Variants in DGKB observed in about 807,000 individuals in gnomAD.
DGKB encodes diacylglycerol kinase beta.
Under a neutral mutation model 114.3 loss-of-function variants are expected in DGKB, and 67 were observed. The observed-to-expected ratio is 0.59, with a 90% confidence interval of 0.48 to 0.72. The LOEUF is 0.72. DGKB is among the 30% of genes least tolerant of loss of function. The pLI, the probability that DGKB is intolerant of heterozygous loss-of-function variation, is 0.00. For synonymous variants in DGKB, 398 were observed against 323.1 expected (o/e 1.23, Z -2.49); for missense variants, 907 against 975.2 (o/e 0.93, Z 0.93).
At chr7:14,568,944 C>A (rs1473744339) in intron 20 of DGKB, among the ~76,000 whole-genome samples, 1 of 152,202 alleles carries the variant, frequency 6.6e-6, no homozygotes, top group Non-Finnish European at 1.5e-5. Flanking sequence ...AAACTACGTG[C>A]TCATCTGAAG....
intron 1 of DGKB, among the ~76,000 whole-genome samples, chr7:14,879,926 C>T (rs1450617437): frequency 6.6e-6 from 1 of 152,072 alleles, no homozygotes; most frequent in African/African-American, 2.4e-5. Flanking sequence ...TCATCATGCC[C>T]AGCATACTCA....
chr7:14,682,495 G>T (rs1821005357), intron 12 of DGKB, 58 bp downstream of exon 12: 2 of 1,145,760 alleles, frequency 1.7e-6, no homozygotes, highest in African/African-American at 1.5e-5. Context: ...CAGAGAGTAT[G>T]ATATACACGT....
At chr7:14,232,738 T>C (rs2082694263) in intron 23 of DGKB, among the ~76,000 whole-genome samples, 1 of 152,040 alleles carries the variant, frequency 6.6e-6, no homozygotes, top group Non-Finnish European at 1.5e-5. Context: ...CAATATTTAG[T>C]GTAAAGTGTT....
chr7:14,496,030 C>G (rs1250144372), intron 20 of DGKB, among the ~76,000 whole-genome samples: 1 of 151,820 alleles, frequency 6.6e-6, no homozygotes, highest in East Asian at 1.9e-4. Flanking sequence ...TACTTTTTGA[C>G]TACACAGTGG....
chr7:14,961,345 C>G (rs1211796234), intron 1 of DGKB, among the ~76,000 whole-genome samples: 1 of 152,114 alleles, frequency 6.6e-6, no homozygotes, highest in East Asian at 1.9e-4. Flanking sequence ...AACGCCAAGA[C>G]TCTTTAGTAA....
chr7:14,699,531 T>C (rs1159065727), intron 7 of DGKB, among the ~76,000 whole-genome samples: 4 of 152,222 alleles, frequency 2.6e-5, no homozygotes, highest in Non-Finnish European at 4.4e-5. Flanking sequence ...AAGGCATTTA[T>C]TTTGTTGTTT....
chr7:14,559,227 T>G (rs1337181467), intron 20 of DGKB, among the ~76,000 whole-genome samples: 1 of 152,340 alleles, frequency 6.6e-6, no homozygotes, highest in Middle Eastern at 3.4e-3. Context: ...TAGAATAACC[T>G]ATAAAATCAA....
At chr7:14,498,118 G>A (rs1785571654) in intron 20 of DGKB, among the ~76,000 whole-genome samples, 1 of 151,738 alleles carries the variant, frequency 6.6e-6, no homozygotes, top group Non-Finnish European at 1.5e-5. Context: ...CACTTAAAAA[G>A]GTATGTAATT....
At chr7:14,700,277 G>C (rs1312552278) in intron 7 of DGKB, among the ~76,000 whole-genome samples, 1 of 149,034 alleles carries the variant, frequency 6.7e-6, no homozygotes, top group Non-Finnish European at 1.5e-5. Flanking sequence ...GCAGTGGCAC[G>C]ATCTCGGCTC....
intron 23 of DGKB, among the ~76,000 whole-genome samples, chr7:14,195,977 G>A (rs1030109629): frequency 1.3e-5 from 2 of 152,102 alleles, no homozygotes; most frequent in Non-Finnish European, 2.9e-5. Flanking sequence ...GAGAATAGGC[G>A]ACATGTCTAA....
chr7:14,280,654 C>A lies in DGKB; in HGVS notation c.2122+57861G>T, dbSNP rs369471859. Among the ~76,000 whole-genome samples, 11 of 151,296 alleles carry A rather than the reference C, an allele frequency of 7.3e-5. No homozygotes were observed. The East Asian group carries it at 1.6e-3, about 22-fold the overall frequency. On this transcript the variant is annotated intron_variant, in intron 23 of 25. Transcript: ENST00000402815. ...AAAGGGAAGCCCATCAGACTAACAGCGGATCTCTCGGCAGAAACCCTACAA... is the reference window on the plus strand; with the variant it reads ...AAAGGGAAGCCCATCAGACTAACAGAGGATCTCTCGGCAGAAACCCTACAA...
intron 21 of DGKB, among the ~76,000 whole-genome samples, chr7:14,356,003 T>C (rs1298933836): frequency 6.6e-6 from 1 of 152,170 alleles, no homozygotes; most frequent in Non-Finnish European, 1.5e-5. Context: ...GGTTTAGTCT[T>C]GGGAGGGTGC....
At chr7:14,485,348 C>A (rs1379033967) in intron 20 of DGKB, among the ~76,000 whole-genome samples, 1 of 150,876 alleles carries the variant, frequency 6.6e-6, no homozygotes, top group Non-Finnish European at 1.5e-5. Context: ...TCGACAGGAA[C>A]TCAGATGCAT....
intron 1 of DGKB, among the ~76,000 whole-genome samples, chr7:14,878,656 G>A (rs1363049648): frequency 6.6e-6 from 1 of 151,180 alleles, no homozygotes; most frequent in Admixed American, 6.6e-5. Flanking sequence ...GGCTGAGGCA[G>A]GAGAATGGCG....
intron 21 of DGKB, among the ~76,000 whole-genome samples, chr7:14,416,002 T>A (rs1583770832): frequency 6.6e-6 from 1 of 152,194 alleles, no homozygotes; most frequent in African/African-American, 2.4e-5. Context: ...GGTTTTGATT[T>A]GCATTTCTCT....
chr7:14,576,166 A>G (rs1369939061), intron 19 of DGKB, among the ~76,000 whole-genome samples: 6 of 152,174 alleles, frequency 3.9e-5, no homozygotes, highest in Non-Finnish European at 8.8e-5. Context: ...ACTAAATACT[A>G]TTTAAAAAGC....
At chr7:14,845,306 C>T (rs920239030) in intron 1 of DGKB, among the ~76,000 whole-genome samples, 6 of 152,036 alleles carry the variant, frequency 3.9e-5, no homozygotes, top group African/African-American at 7.2e-5. Flanking sequence ...CAGACCATCC[C>T]TTCATTCATT....
At chr7:14,519,417 G>A (rs1429463303) in intron 20 of DGKB, among the ~76,000 whole-genome samples, 1 of 151,994 alleles carries the variant, frequency 6.6e-6, no homozygotes, top group African/African-American at 2.4e-5. Flanking sequence ...ATAGCACATA[G>A]CAATATTTTG....
chr7:14,788,502 T>G (rs1840206335), intron 2 of DGKB, among the ~76,000 whole-genome samples: 1 of 152,144 alleles, frequency 6.6e-6, no homozygotes, highest in African/African-American at 2.4e-5. Context: ...ATGAATCCAG[T>G]CTACACTCCA....
Sources: gnomAD v4.1 joint callset for allele counts (sites outside exome capture counted in the v4.1 genomes callset) on GRCh38, gnomAD v4.1.1 for gene constraint, MANE v1.5 for transcripts, NCBI Gene and HGNC (gene_info 2026-07-23, HGNC 2026-07-21) for gene names.